The following SPTAN1 variants were observed in gnomAD, a reference collection of about 807,000 sequenced individuals.
SPTAN1 encodes the protein spectrin alpha, non-erythrocytic 1, also known as spectrin alpha chain, non-erythrocytic 1.
SPTAN1 carries 61 observed loss-of-function variants against 331.3 expected under a neutral mutation model. The ratio of observed to expected loss-of-function variants is 0.18; its 90% CI spans 0.15 to 0.23. The LOEUF (loss-of-function observed/expected upper bound fraction) is 0.23. SPTAN1 is among the 10% of genes least tolerant of loss of function. The probability of loss-of-function intolerance (pLI) is 1.00; values close to 1 mark genes in which losing one functional copy is unlikely to be tolerated. For missense variants in SPTAN1, 2,043 were observed against 3,147.9 expected, an observed-to-expected ratio of 0.65 and a Z score of 8.40; for synonymous variants, 1,153 against 1,173.9, an observed-to-expected ratio of 0.98 and a Z score of 0.36.
intron 52 of SPTAN1, chr9:128,630,696 TTTTG>T (rs528914856): frequency 9.9e-5 from 31 of 314,442 alleles, no homozygotes; most frequent in South Asian, 9.5e-4. Flanking sequence ...TTTGGCTAAT[TTTTG>T]TTTATTTTTA....
Position 128,598,483 on chromosome 9 carries a change from G to C in SPTAN1, c.3498G>C (p.Glu1166Asp), listed in dbSNP as rs1405582889. 3.1e-6 allele frequency: 5 copies of C among 1,610,506 alleles called. No individual in the cohort carries two copies. In the Admixed American group the frequency reaches 8.4e-5, roughly 27 times the overall value. Reference sequence around the variant, plus strand: ...AGTCTGAAGGTCTCATGGCAGAGGAGGTGCAGGCTGTGCAACAACAGGTAG... The same window carrying C: ...AGTCTGAAGGTCTCATGGCAGAGGACGTGCAGGCTGTGCAACAACAGGTAG... The part of the protein sequence containing the change: ...DLESEGLMAE[E>D]VQAVQQQEVY... The change falls in exon 25 of 57, where the codon GAG becomes GAC. Residue 1166 changes from glutamate (E) to aspartate (D), a missense_variant. By Grantham distance (45) the Glu-to-Asp change is conservative. Coordinates refer to ENST00000372739, the MANE Select transcript of SPTAN1 (RefSeq NM_001130438.3).
At chr9:128,585,425 A>G (rs1219956340) in intron 18 of SPTAN1, among the ~76,000 whole-genome samples, 1 of 152,170 alleles carries the variant, frequency 6.6e-6, no homozygotes, top group East Asian at 1.9e-4. Context: ...AAGAGCTGAT[A>G]GAGTGCCTGC....
intron 34 of SPTAN1, 40 bp from the exon 35 acceptor site, chr9:128,608,834 C>T (rs1279147225): frequency 6.3e-7 from 1 of 1,598,376 alleles, no homozygotes; most frequent in Non-Finnish European, 8.6e-7. Flanking sequence ...AGGGCCCAGC[C>T]ACAGGCCCAC....
rs1857142703 is a variant in SPTAN1, at chr9:128,616,179, T to C, written c.5357+339T>C. ...CTTATTCTCTATCTGTCCCCGAAAA[T>C]GTCAGTCTACTGATTCCAGTTGATG... On this transcript the variant is annotated intron_variant, in intron 41 of 56. Coordinates refer to ENST00000372739, the MANE Select transcript of SPTAN1 (RefSeq NM_001130438.3). Among the ~76,000 whole-genome samples the C allele has an allele frequency of 1.3e-5, 2 of 151,302 alleles. 1 individual carries two copies. Among genetic ancestry groups the C allele is most frequent in the South Asian group, 4.3e-4 (2 of 4,660 alleles).
chr9:128,562,951 T>G (rs1204375659), intron 1 of SPTAN1, among the ~76,000 whole-genome samples: 1 of 142,526 alleles, frequency 7.0e-6, no homozygotes, highest in African/African-American at 2.6e-5. Context: ...GGCGACAGAG[T>G]GAGACTCCGT....
intron 24 of SPTAN1, among the ~76,000 whole-genome samples, chr9:128,597,592 C>T (rs1854477348): frequency 6.6e-6 from 1 of 152,164 alleles, no homozygotes; most frequent in South Asian, 2.1e-4. Flanking sequence ...CTGGGAAAAC[C>T]AATCCATAGG....
At chr9:128,619,589 G>T (rs1165396405) in intron 44 of SPTAN1, among the ~76,000 whole-genome samples, 1 of 152,194 alleles carries the variant, frequency 6.6e-6, no homozygotes. Context: ...CACTCTGTGT[G>T]TCTATTCACA....
rs1852324900 is a variant in SPTAN1, at chr9:128,584,472, A to G, written c.2384A>G (p.Asp795Gly). 3 of 1,614,044 alleles carry G rather than the reference A, an allele frequency of 1.9e-6. No homozygotes were observed. The highest frequency in any genetic ancestry group is 1.7e-6 in the Non-Finnish European group (2 of 1,180,046). ...CAGCAGCTCTTCCGGGATGTTGAGG[A>G]TGAGGAGACGTGGATTCGAGAGAAA... ...RLQQLFRDVEDEETWIREKEP... is the reference protein window; with the variant it reads ...RLQQLFRDVEGEETWIREKEP... Residue 795 changes from aspartate to glycine, a missense_variant, in exon 17 of 57, where the codon GAT becomes GGT. Physicochemically the swap from Asp to Gly is moderately conservative, Grantham distance 94. Around this residue, in one of 12 missense-constraint regions of SPTAN1, gnomAD observed 1,038 missense variants for 1,531.5 expected, o/e 0.68. Transcript: ENST00000372739.
rs9696395 is a variant in SPTAN1 at position 128,567,312 on chromosome 9, G to A, written c.237+335G>A. On this transcript the variant is annotated intron_variant, in intron 2 of 56. Transcript: ENST00000372739. ...TTTTGTTTTGTTTTTGTTTTTTGAG[G>A]CAGAGTTGCGCTCATGTCGCCCAGG... 0.97 allele frequency among the ~76,000 whole-genome samples: 147,994 copies of A among 152,306 alleles called. 72,061 individuals carry two copies. The highest frequency in any genetic ancestry group is 1 in the East Asian group (5,190 of 5,190).
At position 128,605,396 on chromosome 9, in the gene SPTAN1, G is replaced by A. The variant is rs756084170; in HGVS notation, c.3965G>A (p.Ser1322Asn). The A allele has an allele frequency of 2.5e-6, 4 of 1,614,208 alleles. No homozygotes were observed. The highest frequency in any genetic ancestry group is 3.3e-5 in the Admixed American group (2 of 60,026). The change falls in exon 31 of 57, where the codon AGC becomes AAC. Residue 1322 changes from serine to asparagine, a missense_variant. Physicochemically the swap from Ser to Asn is conservative, Grantham distance 46. This residue lies in a region of SPTAN1 where 179 missense variants were observed against 215.7 expected (regional missense o/e 0.83). Transcript: ENST00000372739. ...TGCACAGAGTTAAACCAGGCCTGGA[G>A]CAGCCTGGGGAAACGTGCAGATCAG... Reference protein sequence around the residue: ...EKCTELNQAWSSLGKRADQRK... With the variant: ...EKCTELNQAWNSLGKRADQRK...
Position 128,580,930 on chromosome 9 carries a change from C to A in SPTAN1, c.1332C>A (p.Val444=). The A allele has an allele frequency of 6.2e-7, 1 of 1,613,124 alleles. No individual in the cohort carries two copies. Among genetic ancestry groups the A allele is most frequent in the Non-Finnish European group, 8.5e-7 (1 of 1,180,026 alleles). ...TCTCCTATGCCCCCAAGCTGACCGT[C>A]CTTTCCGAGGAGAGAGCGGCGCTGC... The part of the protein sequence containing the change: ...ASDEVREKLT[V]LSEERAALLE... Residue 444 remains valine, a synonymous_variant, in exon 11 of 57, where the codon GTC becomes GTA. Coordinates refer to ENST00000372739, the MANE Select transcript of SPTAN1 (RefSeq NM_001130438.3).
chr9:128,577,531 A>T lies in SPTAN1; in HGVS notation c.1085+25A>T. 1 of 1,612,742 alleles carries T rather than the reference A, an allele frequency of 6.2e-7. No homozygotes were observed. The highest frequency in any genetic ancestry group is 8.5e-7 in the Non-Finnish European group (1 of 1,180,032). On this transcript the variant is annotated intron_variant, in intron 8 of 56. Coordinates refer to ENST00000372739, the MANE Select transcript of SPTAN1 (RefSeq NM_001130438.3). The surrounding 1 kb of genome is among the most constrained non-coding windows in gnomAD (Gnocchi z 4.2). ...GGTGCAAATAATGCTCCAGGTCTTAACCAGTATCATTTGGCTTCTTTTTTG... is the reference window on the plus strand; with the variant it reads ...GGTGCAAATAATGCTCCAGGTCTTATCCAGTATCATTTGGCTTCTTTTTTG...
intron 24 of SPTAN1, among the ~76,000 whole-genome samples, chr9:128,595,714 C>T (rs1365922706): frequency 6.6e-6 from 1 of 152,162 alleles, no homozygotes; most frequent in African/African-American, 2.4e-5. Context: ...TGCCATTCTC[C>T]CTAACCCCAG....
chr9:128,620,042 T>G (rs1857647634), intron 44 of SPTAN1, among the ~76,000 whole-genome samples: 1 of 152,128 alleles, frequency 6.6e-6, no homozygotes, highest in African/African-American at 2.4e-5. Flanking sequence ...CCAACCTCCT[T>G]CAGCAGCATT....
intron 23 of SPTAN1, chr9:128,593,286 TC>T: frequency 1.7e-6 from 1 of 574,230 alleles, no homozygotes; most frequent in South Asian, 1.8e-5. Context: ...GTGTTGGTTC[TC>T]CCTCCTGTTG....
chr9:128,633,307 G>GT lies in SPTAN1; in HGVS notation c.7409dup (p.Thr2471HisfsTer44). On this transcript the variant is annotated frameshift_variant, in exon 57 of 57. Transcript: ENST00000372739. LOFTEE classifies it high-confidence loss of function. ...TCCCCACCGCGTTCGACTACGTGGAGTTCACCCGCTCGCTTTTCGTGAACT... is the reference window on the plus strand; with the variant it reads ...TCCCCACCGCGTTCGACTACGTGGAGTTTCACCCGCTCGCTTTTCGTGAACT... The GT allele has an allele frequency of 6.2e-7, 1 of 1,613,978 alleles. No individual in the cohort carries two copies. Among genetic ancestry groups the GT allele is most frequent in the Non-Finnish European group, 8.5e-7 (1 of 1,180,040 alleles).
At chr9:128,561,736 T>C (rs1305837078) in intron 1 of SPTAN1, among the ~76,000 whole-genome samples, 1 of 149,800 alleles carries the variant, frequency 6.7e-6, no homozygotes, top group Non-Finnish European at 1.5e-5. Flanking sequence ...TCACTGTGTC[T>C]ATTGTGCCAT....
Position 128,579,633 on chromosome 9 carries a change from G to T in SPTAN1, c.1222-4G>T. 1 of 1,612,992 alleles carries T rather than the reference G, an allele frequency of 6.2e-7. No individual in the cohort carries two copies. Among genetic ancestry groups the T allele is most frequent in the Non-Finnish European group, 8.5e-7 (1 of 1,179,072 alleles). ...AATCATGGCTTTGTTTTTTTCTCCT[G>T]TAGGGTGAAATTGATGCCCATGAAG... On this transcript the variant is annotated splice_region_variant and splice_polypyrimidine_tract_variant and intron_variant, in intron 9 of 56. Transcript: ENST00000372739.
At chr9:128,584,024 G>C (rs1272070565) in intron 16 of SPTAN1, 55 bp downstream of exon 16, 4 of 1,606,864 alleles carry the variant, frequency 2.5e-6, no homozygotes, top group South Asian at 2.2e-5. Context: ...CTATAGGAGG[G>C]AGGAAAAGCC....
Sources: allele counts gnomAD v4.1 joint callset (sites outside exome capture counted in the v4.1 genomes callset), GRCh38; gene constraint gnomAD v4.1.1; regional missense constraint gnomAD v4.1.1; non-coding constraint Gnocchi (gnomAD v3.1); transcripts MANE v1.5; gene names NCBI Gene and HGNC (gene_info 2026-07-23, HGNC 2026-07-21).